Variants in CCDC141 observed in about 807,000 individuals in gnomAD.
CCDC141 encodes the protein coiled-coil domain-containing protein 141.
Under a neutral mutation model 181.0 loss-of-function variants are expected in CCDC141, and 168 were observed. That is an observed-to-expected ratio of 0.93 (90% CI 0.82 to 1.05). CCDC141 has a LOEUF of 1.05. Among genes scored for constraint, CCDC141 ranks in the 50% least tolerant of loss-of-function variants. The probability of loss-of-function intolerance (pLI) is 0.00; values close to 1 mark genes in which losing one functional copy is unlikely to be tolerated. For missense variants in CCDC141, 1,902 were observed against 1,788.5 expected (o/e 1.06, Z -1.14); for synonymous variants, 666 against 642.3 (o/e 1.04, Z -0.56).
chr2:178,938,732 A>G (rs1370902348), intron 6 of CCDC141, among the ~76,000 whole-genome samples: 7 of 152,020 alleles, frequency 4.6e-5, no homozygotes, highest in Non-Finnish European at 4.4e-5. Context: ...AATATTTTCT[A>G]ATTGAATTTT....
intron 2 of CCDC141, among the ~76,000 whole-genome samples, chr2:179,012,220 C>T (rs578099595): frequency 4.1e-4 from 62 of 152,126 alleles, no homozygotes; most frequent in Admixed American, 6.5e-4. Flanking sequence ...AATTGATCGA[C>T]CTTTAGCAAG....
chr2:179,000,802 G>T (rs2041947503), intron 2 of CCDC141, among the ~76,000 whole-genome samples: 1 of 152,120 alleles, frequency 6.6e-6, no homozygotes, highest in South Asian at 2.1e-4. Context: ...ACTGGGTTAA[G>T]GATTATCCAC....
chr2:178,968,334 G>T (rs1690727932), intron 4 of CCDC141, among the ~76,000 whole-genome samples: 1 of 152,038 alleles, frequency 6.6e-6, no homozygotes, highest in African/African-American at 2.4e-5. Flanking sequence ...CACATAATTG[G>T]AAGTAAAATA....
At chr2:178,829,528 C>T (rs558641801), downstream of CCDC141, among the ~76,000 whole-genome samples, 1 of 152,346 alleles carries the variant, frequency 6.6e-6, no homozygotes, top group South Asian at 2.1e-4. Flanking sequence ...AAAATCACAG[C>T]TGTGTGCTTC....
Position 178,836,977 on chromosome 2 carries a change from G to A in CCDC141, c.4242C>T (p.Leu1414=). 1 of 1,613,946 alleles carries A rather than the reference G, an allele frequency of 6.2e-7. No homozygotes were observed. The highest frequency in any genetic ancestry group is 1.3e-5 in the African/African-American group (1 of 75,024). ...LADQAPNFSR[L]LSNVTVMEGS... is the part of the protein sequence containing the mutation. ...CTTCCATGACAGTTACATTAGACAG[G>A]AGCCTGGAGAAATTAGGTGCCTGGT... is the stretch of plus-strand genomic sequence containing the variant. Residue 1414 remains leucine (L), a synonymous_variant, in exon 23 of 24, where the codon CTC becomes CTT. Transcript: ENST00000443758.
chr2:179,049,758 A>G (rs963697565), intron 1 of CCDC141, 82 bp downstream of exon 1: 2 of 1,455,870 alleles, frequency 1.4e-6, no homozygotes, highest in African/African-American at 2.8e-5. Context: ...TGTCCTGCCG[A>G]TTGCATGGAA....
chr2:178,859,116 C>A (rs968527812), intron 17 of CCDC141, among the ~76,000 whole-genome samples: 2 of 152,208 alleles, frequency 1.3e-5, no homozygotes, highest in Non-Finnish European at 2.9e-5. Flanking sequence ...CTTTCTGACA[C>A]ATGAGCTCCC....
In CCDC141 at chr2:178,981,636, G is replaced by GTATA. The variant is rs1193430874; in HGVS notation, c.226-2965_226-2962dup. Among the ~76,000 whole-genome samples, 59 of 62,374 alleles carry GTATA rather than the reference G, an allele frequency of 9.5e-4. 2 individuals carry two copies. Among genetic ancestry groups the GTATA allele is most frequent in the East Asian group, 5.3e-3 (8 of 1,500 alleles). The allele number at this position is 62,374 out of a possible 152,430, so 40.9% of individuals were successfully genotyped here. A position where few individuals can be genotyped will look rare whatever the true frequency, so the allele number is the denominator to read the frequency against. ...TTTGTAGCATTGAATGTGTGTGTGT[G>GTATA]TATATATATATATATATATATACAT... On this transcript the variant is annotated intron_variant, in intron 2 of 23. Coordinates refer to ENST00000443758, the MANE Select transcript of CCDC141 (RefSeq NM_173648.4).
At chr2:178,998,776 T>G (rs1692400545) in intron 2 of CCDC141, among the ~76,000 whole-genome samples, 1 of 152,128 alleles carries the variant, frequency 6.6e-6, no homozygotes, top group Non-Finnish European at 1.5e-5. Flanking sequence ...GATATCACGG[T>G]CTTTGATGTC....
rs568673803 is a variant in CCDC141, at chr2:178,845,197, G to A, written c.3474+429C>T. ...GGAACAAGATATGATCTAATTTCAC[G>A]TATTAAGCTTTGCTAATGGGTTGTG... is the stretch of plus-strand genomic sequence containing the variant. On this transcript the variant is annotated intron_variant, in intron 22 of 23. Coordinates refer to ENST00000443758, the MANE Select transcript of CCDC141 (RefSeq NM_173648.4). Among the ~76,000 whole-genome samples, 75 of 152,228 alleles carry A rather than the reference G, an allele frequency of 4.9e-4. 3 individuals carry two copies. Among genetic ancestry groups the A allele is most frequent in the African/African-American group, 1.4e-4 (6 of 41,522 alleles).
intron 2 of CCDC141, among the ~76,000 whole-genome samples, chr2:179,022,795 A>G (rs1326655251): frequency 6.6e-6 from 1 of 152,136 alleles, no homozygotes; most frequent in Non-Finnish European, 1.5e-5. Context: ...TGTCCCTTCC[A>G]ATGCCAAGGA....
At chr2:179,030,219 T>G (rs1011401022) in intron 2 of CCDC141, among the ~76,000 whole-genome samples, 4 of 152,074 alleles carry the variant, frequency 2.6e-5, no homozygotes, top group African/African-American at 9.6e-5. Context: ...CAAAAACAAT[T>G]TTTAAGTTAA....
intron 17 of CCDC141, among the ~76,000 whole-genome samples, chr2:178,859,345 C>T (rs1254654778): frequency 6.6e-6 from 1 of 152,190 alleles, no homozygotes; most frequent in Admixed American, 6.5e-5. Flanking sequence ...CTAATCCCCA[C>T]ATAACTTGTG....
At chr2:179,034,806 G>A (rs1182811098) in intron 2 of CCDC141, among the ~76,000 whole-genome samples, 7 of 152,122 alleles carry the variant, frequency 4.6e-5, no homozygotes, top group Non-Finnish European at 7.4e-5. Flanking sequence ...TAATTCTGAT[G>A]TTGATCTTCT....
At chr2:179,024,482 T>C (rs2042776732) in intron 2 of CCDC141, among the ~76,000 whole-genome samples, 1 of 152,182 alleles carries the variant, frequency 6.6e-6, no homozygotes, top group South Asian at 2.1e-4. Flanking sequence ...GATAGAAATA[T>C]GTCCACAATC....
intron 21 of CCDC141, among the ~76,000 whole-genome samples, chr2:178,848,024 T>C (rs2154366815): frequency 6.6e-6 from 1 of 152,348 alleles, no homozygotes; most frequent in South Asian, 2.1e-4. Flanking sequence ...AGGCATCTTG[T>C]CTATGGCATT....
intron 15 of CCDC141, among the ~76,000 whole-genome samples, chr2:178,868,480 T>A (rs1198150860): frequency 1.3e-5 from 2 of 151,958 alleles, no homozygotes; most frequent in African/African-American, 4.8e-5. Flanking sequence ...CTGAGTAAAT[T>A]TAGAGGCTAT....
At chr2:179,015,099 T>TATATATC (rs1559048705) in intron 2 of CCDC141, among the ~76,000 whole-genome samples, 9 of 50,534 alleles carry the variant, frequency 1.8e-4, no homozygotes, top group African/African-American at 5.2e-4. Context: ...TATATATATA[T>TATATATC]ATATAATATA....
chr2:178,970,454 A>G (rs1690834545), intron 4 of CCDC141, among the ~76,000 whole-genome samples: 1 of 152,236 alleles, frequency 6.6e-6, no homozygotes, highest in Non-Finnish European at 1.5e-5. Flanking sequence ...CACAGGCCTC[A>G]GAAATAACAC....
Sources: allele counts gnomAD v4.1 joint callset (sites outside exome capture counted in the v4.1 genomes callset), GRCh38; gene constraint gnomAD v4.1.1; transcripts MANE v1.5; gene names NCBI Gene and HGNC (gene_info 2026-07-23, HGNC 2026-07-21).